The following RAD54B variants were observed in gnomAD, a reference collection of about 807,000 sequenced individuals.
The protein encoded by RAD54B is RAD54 homolog B, also known as DNA repair and recombination protein RAD54B.
A neutral mutation model predicts 95.8 loss-of-function variants in RAD54B; 78 were observed. The observed-to-expected ratio is 0.81, with a 90% CI of 0.68 to 0.98. The LOEUF (loss-of-function observed/expected upper bound fraction) is 0.98, where lower values mean the gene tolerates loss of function less well. RAD54B is among the 50% of genes least tolerant of loss of function. The pLI is 0.00. For missense variants in RAD54B, 957 were observed against 1,056.6 expected, an observed-to-expected ratio of 0.91 and a Z score of 1.31; for synonymous variants, 328 against 354.9, an observed-to-expected ratio of 0.92 and a Z score of 0.85.
chr8:94,377,641 T>C (rs1810621042), intron 14 of RAD54B, among the ~76,000 whole-genome samples: 1 of 150,418 alleles, frequency 6.6e-6, no homozygotes, highest in Admixed American at 6.6e-5. Flanking sequence ...AGTTCAATTT[T>C]TCACAAGTGA....
At chr8:94,436,641 T>G (rs746676909) in intron 3 of RAD54B, 1 of 1,550,576 alleles carries the variant, frequency 6.4e-7, no homozygotes, top group South Asian at 1.2e-5. Context: ...TGGCATATTC[T>G]TTGAGCCTTT....
At chr8:94,460,141 G>C (rs996709259) in intron 2 of RAD54B, among the ~76,000 whole-genome samples, 1 of 144,576 alleles carries the variant, frequency 6.9e-6, no homozygotes. Context: ...CTGGGCAACA[G>C]AGCGAGACTC....
Position 94,411,254 on chromosome 8 carries a change from T to C in RAD54B, c.366A>G (p.Leu122=), listed in dbSNP as rs568563074. Residue 122 remains leucine, a synonymous_variant, in exon 4 of 15, where the codon CTA becomes CTG. Coordinates refer to ENST00000336148, the MANE Select transcript of RAD54B (RefSeq NM_012415.3). ...ACCAAACAACACTGAAATATTTAACTAGGCTATCAGATTTCTCTTCTTGTT... is the reference window on the plus strand; with the variant it reads ...ACCAAACAACACTGAAATATTTAACCAGGCTATCAGATTTCTCTTCTTGTT... ...SKEQEEKSDS[L]VKYFSVVWCK... 1 of 1,610,284 alleles carries C rather than the reference T, an allele frequency of 6.2e-7. No homozygotes were observed. Among genetic ancestry groups the C allele is most frequent in the Non-Finnish European group, 8.5e-7 (1 of 1,178,872 alleles).
chr8:94,450,196 T>C (rs759046201), intron 3 of RAD54B, among the ~76,000 whole-genome samples: 7 of 152,242 alleles, frequency 4.6e-5, no homozygotes, highest in Non-Finnish European at 1.0e-4. Flanking sequence ...TGCAGTTATG[T>C]CTAGGTTGTT....
chr8:94,436,267 A>T (rs1317244636), intron 3 of RAD54B, among the ~76,000 whole-genome samples: 1 of 152,196 alleles, frequency 6.6e-6, no homozygotes, highest in Non-Finnish European at 1.5e-5. Flanking sequence ...TTACTTTTAG[A>T]AACTACAGGA....
Position 94,470,337 on chromosome 8 carries a change from A to C in RAD54B, c.-16-2782T>G, listed in dbSNP as rs546837955. Among the ~76,000 whole-genome samples the C allele has an allele frequency of 5.9e-5, 9 of 152,040 alleles. No homozygotes were observed. In the South Asian group the frequency reaches 1.5e-3, roughly 25 times the overall value. On this transcript the variant is annotated intron_variant, in intron 1 of 14. Coordinates refer to ENST00000336148, the MANE Select transcript of RAD54B (RefSeq NM_012415.3). ...TTTGAGGCCAGGTGCAGTGGCTCAC[A>C]CCTGTAATCCCAGCACTTTGGGAGG...
intron 8 of RAD54B, among the ~76,000 whole-genome samples, chr8:94,399,024 C>T (rs1811207759): frequency 6.6e-6 from 1 of 152,052 alleles, no homozygotes; most frequent in African/African-American, 2.4e-5. Context: ...ACTCCTCTGA[C>T]CCTCATGAGA....
At chr8:94,450,638 G>C (rs933598765) in intron 3 of RAD54B, among the ~76,000 whole-genome samples, 6 of 152,130 alleles carry the variant, frequency 3.9e-5, no homozygotes, top group African/African-American at 1.4e-4. Flanking sequence ...CCCACAATTT[G>C]GGAGGCCAAG....
At chr8:94,389,026 G>A (rs866718653) in intron 10 of RAD54B, among the ~76,000 whole-genome samples, 8 of 152,330 alleles carry the variant, frequency 5.3e-5, no homozygotes, top group African/African-American at 1.9e-4. Flanking sequence ...CTATGCACGT[G>A]CATTCTGTCC....
At chr8:94,445,368 G>A (rs942701596) in intron 3 of RAD54B, among the ~76,000 whole-genome samples, 5 of 152,118 alleles carry the variant, frequency 3.3e-5, no homozygotes, top group African/African-American at 9.7e-5. Flanking sequence ...TCAAACCACA[G>A]CACCAGCCCT....
chr8:94,467,680 C>T (rs1157891582), intron 1 of RAD54B, 125 bp from the exon 2 acceptor site: 5 of 921,480 alleles, frequency 5.4e-6, no homozygotes, highest in Non-Finnish European at 7.8e-6. Context: ...GCCTGGCCCC[C>T]CAAGCATAGA....
intron 3 of RAD54B, 47 bp from the exon 4 acceptor site, chr8:94,411,362 C>T (rs773881586): frequency 1.4e-6 from 2 of 1,450,518 alleles, no homozygotes; most frequent in Non-Finnish European, 1.8e-6. Flanking sequence ...ACTTTAATGT[C>T]TAAGTAGTAA....
intron 3 of RAD54B, chr8:94,436,508 T>G: frequency 6.5e-7 from 1 of 1,547,566 alleles, no homozygotes; most frequent in Non-Finnish European, 8.7e-7. Context: ...TGTATGTGGT[T>G]CCTGTCTCTT....
rs35868909 is a variant in RAD54B, at chr8:94,400,394, C to T, written c.1014G>A (p.Ser338=). ...MGLGKTLQCI[S]LIWTLQCQGP... ...CCTGACACTGCAGGGTCCAGATGAG[C>T]GAAATACATTGCAATGTCTTCCCTA... Residue 338 remains serine (S), a synonymous_variant, in exon 7 of 15, where the codon TCG becomes TCA. Coordinates refer to ENST00000336148, the MANE Select transcript of RAD54B (RefSeq NM_012415.3). 3.3e-3 allele frequency: 5,339 copies of T among 1,613,606 alleles called. 140 individuals carry two copies. In the African/African-American group the frequency reaches 0.062, roughly 19 times the overall value.
chr8:94,427,105 G>A (rs1232176312), intron 3 of RAD54B, among the ~76,000 whole-genome samples: 2 of 151,828 alleles, frequency 1.3e-5, no homozygotes, highest in Non-Finnish European at 2.9e-5. Flanking sequence ...CTTAATGTTA[G>A]GGGAAAAAAA....
intron 3 of RAD54B, chr8:94,430,631 T>A: frequency 1.6e-6 from 1 of 613,650 alleles, no homozygotes; most frequent in Non-Finnish European, 2.0e-6. Context: ...TGGAAAACCA[T>A]TGGTCTACTC....
chr8:94,406,638 G>A (rs541931716), intron 5 of RAD54B, among the ~76,000 whole-genome samples: 1 of 152,142 alleles, frequency 6.6e-6, no homozygotes, highest in South Asian at 2.1e-4. Flanking sequence ...GATCTCAAAG[G>A]CCTCTTTACT....
intron 2 of RAD54B, among the ~76,000 whole-genome samples, chr8:94,460,812 C>T (rs939929792): frequency 1.3e-5 from 2 of 151,872 alleles, no homozygotes; most frequent in Admixed American, 6.6e-5. Context: ...AGCCCTCTTC[C>T]TCCATATTCA....
intron 3 of RAD54B, among the ~76,000 whole-genome samples, chr8:94,451,655 G>A (rs1467705998): frequency 2.0e-5 from 3 of 151,988 alleles, no homozygotes; most frequent in South Asian, 2.1e-4. Flanking sequence ...AACTATTTCC[G>A]TGATATTTCT....
Sources: gnomAD v4.1 joint callset for allele counts (sites outside exome capture counted in the v4.1 genomes callset) on GRCh38, gnomAD v4.1.1 for gene constraint, MANE v1.5 for transcripts, NCBI Gene and HGNC (gene_info 2026-07-23, HGNC 2026-07-21) for gene names.